Variants in ELAVL1 observed in about 807,000 individuals in gnomAD.
The protein encoded by ELAVL1 is ELAV-like protein 1.
In ELAVL1, 1 loss-of-function variant was observed where a neutral mutation model predicts 28.4. The ratio of observed to expected loss-of-function variants is 0.04; its 90% CI spans 0.01 to 0.17. ELAVL1 has a LOEUF of 0.17. ELAVL1 is among the 10% of genes least tolerant of loss of function. The pLI, the probability that ELAVL1 is intolerant of heterozygous loss-of-function variation, is 1.00. For synonymous variants in ELAVL1, 174 were observed against 183.5 expected (o/e 0.95, Z 0.42); for missense variants, 157 against 447.2 (o/e 0.35, Z 5.85).
At chr19:7,972,531 C>T (rs928350342) in intron 4 of ELAVL1, among the ~76,000 whole-genome samples, 5 of 152,242 alleles carry the variant, frequency 3.3e-5, no homozygotes, top group African/African-American at 9.6e-5. Flanking sequence ...CAGAGAGGGG[C>T]ATCCGAATTC....
chr19:8,002,654 C>CA (rs1202535462), intron 1 of ELAVL1, among the ~76,000 whole-genome samples: 3 of 152,230 alleles, frequency 2.0e-5, no homozygotes, highest in Non-Finnish European at 4.4e-5. Flanking sequence ...AAGGAGGGAA[C>CA]AGTTGATTCC....
chr19:7,977,986 C>T (rs1206936003), intron 3 of ELAVL1, among the ~76,000 whole-genome samples: 2 of 152,242 alleles, frequency 1.3e-5, no homozygotes, highest in Non-Finnish European at 2.9e-5. Flanking sequence ...CTCTCCTCCT[C>T]CAGATCTCAA....
intron 2 of ELAVL1, 32 bp downstream of exon 2, chr19:7,991,612 C>A: frequency 1.3e-6 from 2 of 1,592,752 alleles, no homozygotes. Flanking sequence ...GCCACCAATA[C>A]CCGGTTTACT....
At chr19:7,991,928 CTTTCT>C (rs1985761986) in intron 1 of ELAVL1, 97 bp from the exon 2 acceptor site, 15 of 751,404 alleles carry the variant, frequency 2.0e-5, no homozygotes, top group South Asian at 8.0e-5. Flanking sequence ...GATTTTCTTT[CTTTCT>C]TTTTTTTTTT....
In ELAVL1 at chr19:7,965,685, G is replaced by A. The variant is rs532597263; in HGVS notation, c.657-1878C>T. Reference sequence around the variant, plus strand: ...CTCGACCAGAAATGTCCACTTCTCCGGTTTCCCCTTTCTTTTCTTGTCCTC... The same window carrying A: ...CTCGACCAGAAATGTCCACTTCTCCAGTTTCCCCTTTCTTTTCTTGTCCTC... On this transcript the variant is annotated intron_variant, in intron 5 of 5. Coordinates refer to ENST00000407627, the MANE Select transcript of ELAVL1 (RefSeq NM_001419.3). 2.0e-5 allele frequency among the ~76,000 whole-genome samples: 3 copies of A among 152,008 alleles called. No homozygotes were observed. The South Asian group carries it at 6.2e-4, about 32-fold the overall frequency.
At chr19:7,971,161 A>G (rs1454969147) in intron 4 of ELAVL1, among the ~76,000 whole-genome samples, 2 of 152,198 alleles carry the variant, frequency 1.3e-5, no homozygotes, top group Non-Finnish European at 2.9e-5. Flanking sequence ...GGGAGACACT[A>G]TCTTGCAGAG....
chr19:7,966,753 G>A (rs1675128254), intron 5 of ELAVL1, among the ~76,000 whole-genome samples: 1 of 151,910 alleles, frequency 6.6e-6, no homozygotes, highest in South Asian at 2.1e-4. Context: ...CTGAGTAGCT[G>A]GGACTAAAGG....
chr19:7,994,898 G>A (rs1985838109), intron 1 of ELAVL1, among the ~76,000 whole-genome samples: 1 of 152,184 alleles, frequency 6.6e-6, no homozygotes, highest in South Asian at 2.1e-4. Flanking sequence ...AAGGCTGCAT[G>A]AGCCATGATG....
chr19:7,984,356 C>T (rs1599673668), intron 2 of ELAVL1, among the ~76,000 whole-genome samples: 1 of 152,146 alleles, frequency 6.6e-6, no homozygotes, highest in South Asian at 2.1e-4. Context: ...GAGGGCCCGT[C>T]GCAGAGGAGA....
chr19:8,001,150 G>A (rs774389227), intron 1 of ELAVL1, among the ~76,000 whole-genome samples: 17 of 152,260 alleles, frequency 1.1e-4, no homozygotes, highest in Admixed American at 7.2e-4. Context: ...CCTGTCTCTA[G>A]TCCCACTTCA....
At chr19:7,996,762 G>C (rs1357600329) in intron 1 of ELAVL1, among the ~76,000 whole-genome samples, 1 of 152,092 alleles carries the variant, frequency 6.6e-6, no homozygotes, top group African/African-American at 2.4e-5. Context: ...GCAATGAGCC[G>C]AGATGGCGCC....
At chr19:8,003,703 A>AG (rs1191705775) in intron 1 of ELAVL1, among the ~76,000 whole-genome samples, 6 of 151,928 alleles carry the variant, frequency 3.9e-5, no homozygotes, top group African/African-American at 1.5e-4. Flanking sequence ...AAAAAAAAAA[A>AG]AAAAAAGAAA....
At chr19:7,991,317 G>A (rs1985747986) in intron 2 of ELAVL1, among the ~76,000 whole-genome samples, 1 of 152,106 alleles carries the variant, frequency 6.6e-6, no homozygotes, top group Admixed American at 6.6e-5. Context: ...CAATCAATCT[G>A]CCCAGGCCAA....
Position 8,002,394 on chromosome 19 carries a change from C to T in ELAVL1, c.-17+3101G>A, listed in dbSNP as rs561154162. On this transcript the variant is annotated intron_variant, in intron 1 of 5. Coordinates refer to ENST00000407627, the MANE Select transcript of ELAVL1 (RefSeq NM_001419.3). ...AGAGTGGGCTGAGATGACCTACACA[C>T]ATCATGCACACTCTCCAGAGCCTAG... Among the ~76,000 whole-genome samples the T allele has an allele frequency of 3.9e-5, 6 of 152,266 alleles. No homozygotes were observed. In the South Asian group the frequency reaches 1.0e-3, roughly 26 times the overall value.
chr19:7,962,947 G>C lies in ELAVL1; in HGVS notation c.*536C>G, dbSNP rs1237317830. ...CCGCCGCCATTCCCAGGACCACTCG[G>C]CAGAGCCCGGGACTGAGTGAGCAGG... On this transcript the variant is annotated 3_prime_UTR_variant, in exon 6 of 6. Coordinates refer to ENST00000407627, the MANE Select transcript of ELAVL1 (RefSeq NM_001419.3). The C allele has an allele frequency of 1.3e-5, 2 of 153,916 alleles. No individual in the cohort carries two copies. The highest frequency in any genetic ancestry group is 1.3e-4 in the Admixed American group (2 of 15,418). 9.5% of individuals were successfully genotyped at this position (153,916 alleles called of 1,614,324 possible).
At position 7,998,177 on chromosome 19, in the gene ELAVL1, A is replaced by G. The variant is rs116373349; in HGVS notation, c.-16-6346T>C. Reference sequence around the variant, plus strand: ...CCACTCTCTGGAGGCCCTTCCCTTGACCTTCTCCAAATCTGCATCATCAAT... The same window carrying G: ...CCACTCTCTGGAGGCCCTTCCCTTGGCCTTCTCCAAATCTGCATCATCAAT... On this transcript the variant is annotated intron_variant, in intron 1 of 5. Coordinates refer to ENST00000407627, the MANE Select transcript of ELAVL1 (RefSeq NM_001419.3). 4.4e-4 allele frequency among the ~76,000 whole-genome samples: 67 copies of G among 151,996 alleles called. 1 individual carries two copies. The highest frequency in any genetic ancestry group is 1.6e-3 in the African/African-American group (66 of 41,458).
rs1433661728 is a variant in ELAVL1, at chr19:7,986,926, T to C, written c.172+4718A>G. On this transcript the variant is annotated intron_variant, in intron 2 of 5. Transcript: ENST00000407627. ...TGCCCAAAAGCTAACAGCGGTATGA[T>C]TGTGGGTGATTTTTTGTTTGTTTGT... Among the ~76,000 whole-genome samples the C allele has an allele frequency of 3.3e-5, 5 of 151,994 alleles. No individual in the cohort carries two copies. The South Asian group carries it at 1.0e-3, about 32-fold the overall frequency.
At chr19:7,980,093 A>G (rs960409487) in intron 3 of ELAVL1, among the ~76,000 whole-genome samples, 3 of 152,208 alleles carry the variant, frequency 2.0e-5, no homozygotes, top group East Asian at 1.9e-4. Context: ...AGGGGAATCT[A>G]GCAGATCTAA....
chr19:7,999,805 C>A (rs1257142093), intron 1 of ELAVL1, among the ~76,000 whole-genome samples: 1 of 151,960 alleles, frequency 6.6e-6, no homozygotes, highest in African/African-American at 2.4e-5. Context: ...AGAGGGGGGT[C>A]TTGCTTTGTC....
Sources: gnomAD v4.1 joint callset for allele counts (sites outside exome capture counted in the v4.1 genomes callset) on GRCh38, gnomAD v4.1.1 for gene constraint, MANE v1.5 for transcripts, NCBI Gene and HGNC (gene_info 2026-07-23, HGNC 2026-07-21) for gene names.